The following BCKDHB variants were observed in gnomAD, a reference collection of about 807,000 sequenced individuals.
BCKDHB encodes 2-oxoisovalerate dehydrogenase subunit beta, mitochondrial.
A neutral mutation model predicts 48.5 loss-of-function variants in BCKDHB; 41 were observed. The ratio of observed to expected loss-of-function variants is 0.85; its 90% confidence interval spans 0.66 to 1.10. The LOEUF (loss-of-function observed/expected upper bound fraction) is 1.10, where lower values mean the gene tolerates loss of function less well. Among genes scored for constraint, BCKDHB ranks in the 50% least tolerant of loss-of-function variants. The pLI is 0.00. For synonymous variants in BCKDHB, 201 were observed against 174.8 expected (o/e 1.15, Z -1.18); for missense variants, 496 against 494.2 (o/e 1.00, Z -0.03).
At chr6:80,204,667 C>T (rs1053678603) in intron 8 of BCKDHB, among the ~76,000 whole-genome samples, 1 of 148,926 alleles carries the variant, frequency 6.7e-6, no homozygotes, top group African/African-American at 2.6e-5. Context: ...ACGTATCTAT[C>T]TATATATATA....
intron 8 of BCKDHB, among the ~76,000 whole-genome samples, chr6:80,267,652 A>AT (rs1777569604): frequency 1.3e-5 from 2 of 152,094 alleles, no homozygotes; most frequent in African/African-American, 4.8e-5. Context: ...TGACAGGAAC[A>AT]TGTTTATCTG....
chr6:80,218,668 A>G (rs1469507424), intron 8 of BCKDHB, among the ~76,000 whole-genome samples: 2 of 152,012 alleles, frequency 1.3e-5, no homozygotes, highest in Non-Finnish European at 2.9e-5. Context: ...TTACTCCATT[A>G]ACTTTGCTTA....
chr6:80,162,531 A>C (rs1158967072), intron 3 of BCKDHB, among the ~76,000 whole-genome samples: 1 of 152,138 alleles, frequency 6.6e-6, no homozygotes, highest in East Asian at 1.9e-4. Flanking sequence ...ATCAGCCTGC[A>C]AATATGCTGT....
intron 9 of BCKDHB, among the ~76,000 whole-genome samples, chr6:80,332,264 G>A (rs1367289129): frequency 6.6e-6 from 1 of 152,158 alleles, no homozygotes; most frequent in Non-Finnish European, 1.5e-5. Flanking sequence ...GCTGGAGAGT[G>A]CAGTCTGAGA....
intron 3 of BCKDHB, among the ~76,000 whole-genome samples, chr6:80,151,056 A>G (rs1771749584): frequency 6.6e-6 from 1 of 152,186 alleles, no homozygotes; most frequent in South Asian, 2.1e-4. Context: ...ACATGAATTC[A>G]CATGTATTTT....
the BCKDHB span, among the ~76,000 whole-genome samples, chr6:80,365,792 T>C: frequency 6.6e-6 from 1 of 152,178 alleles, no homozygotes; most frequent in African/African-American, 2.4e-5. Flanking sequence ...AAAGTATTAT[T>C]TGGGAACTGA....
chr6:80,247,473 A>C (rs867585111), intron 8 of BCKDHB, among the ~76,000 whole-genome samples: 3 of 152,242 alleles, frequency 2.0e-5, no homozygotes, highest in African/African-American at 7.2e-5. Context: ...CGGAATTATT[A>C]GTTTTTCAAA....
At chr6:80,330,216 T>C (rs1214243382) in intron 9 of BCKDHB, among the ~76,000 whole-genome samples, 2 of 152,000 alleles carry the variant, frequency 1.3e-5, no homozygotes, top group African/African-American at 4.8e-5. Context: ...AGGAAAACCT[T>C]TTATCTAGGA....
intron 3 of BCKDHB, among the ~76,000 whole-genome samples, chr6:80,137,537 A>G (rs1770949264): frequency 6.6e-6 from 1 of 152,168 alleles, no homozygotes; most frequent in African/African-American, 2.4e-5. Flanking sequence ...CTTGTTGACC[A>G]GTGGCTTAAC....
At chr6:80,232,459 A>G (rs1455945385) in intron 8 of BCKDHB, among the ~76,000 whole-genome samples, 1 of 151,628 alleles carries the variant, frequency 6.6e-6, no homozygotes. Flanking sequence ...TTTTCCAAAC[A>G]TCTCATCTTT....
chr6:80,428,357 CA>C, the BCKDHB span, among the ~76,000 whole-genome samples: 1 of 152,084 alleles, frequency 6.6e-6, no homozygotes, highest in Non-Finnish European at 1.5e-5. Flanking sequence ...CTTATAGTAG[CA>C]TGATTTATAA....
chr6:80,358,327 A>ATT, the BCKDHB span, among the ~76,000 whole-genome samples: 1 of 152,154 alleles, frequency 6.6e-6, no homozygotes, highest in East Asian at 1.9e-4. Context: ...ATGGGTGTGC[A>ATT]TTTTTTAATC....
the BCKDHB span, among the ~76,000 whole-genome samples, chr6:80,371,337 G>GT: frequency 2.0e-5 from 3 of 151,766 alleles, no homozygotes; most frequent in Non-Finnish European, 2.9e-5. Context: ...TGATGGAATT[G>GT]TTTTTTTCTT....
intron 8 of BCKDHB, among the ~76,000 whole-genome samples, chr6:80,212,946 A>G (rs1165354900): frequency 1.3e-5 from 2 of 152,178 alleles, no homozygotes; most frequent in Non-Finnish European, 2.9e-5. Flanking sequence ...TGTTATTTAC[A>G]TTGTTGATCT....
chr6:80,279,888 G>T (rs2127973527), intron 9 of BCKDHB, among the ~76,000 whole-genome samples: 1 of 152,260 alleles, frequency 6.6e-6, no homozygotes, highest in East Asian at 1.9e-4. Flanking sequence ...AGAACTATAG[G>T]ATTATAAAAT....
chr6:80,164,236 C>T (rs114806357), intron 3 of BCKDHB, among the ~76,000 whole-genome samples: 357 of 152,282 alleles, frequency 2.3e-3, no homozygotes, highest in African/African-American at 8.1e-3. Context: ...ACTTTATCTC[C>T]TACTACTCTT....
intron 8 of BCKDHB, among the ~76,000 whole-genome samples, chr6:80,233,815 C>A (rs756555276): frequency 6.6e-6 from 1 of 152,072 alleles, no homozygotes; most frequent in East Asian, 1.9e-4. Flanking sequence ...TTCTGAAATT[C>A]CAAACCCCAA....
the BCKDHB span, among the ~76,000 whole-genome samples, chr6:80,429,715 T>C: frequency 1.3e-5 from 2 of 152,214 alleles, no homozygotes; most frequent in African/African-American, 2.4e-5. Context: ...TTTTGCACAT[T>C]GATTTTGTAT....
At chr6:80,224,968 G>A (rs953926299) in intron 8 of BCKDHB, among the ~76,000 whole-genome samples, 1 of 152,170 alleles carries the variant, frequency 6.6e-6, no homozygotes, top group African/African-American at 2.4e-5. Context: ...GGTTCTAGTT[G>A]TTACAGTTTT....
Sources: allele counts gnomAD v4.1 joint callset (sites outside exome capture counted in the v4.1 genomes callset), GRCh38; gene constraint gnomAD v4.1.1; transcripts MANE v1.5; gene names NCBI Gene and HGNC (gene_info 2026-07-23, HGNC 2026-07-21).